Variants in NRG3 observed in about 807,000 individuals in gnomAD.
NRG3 encodes neuregulin 3, also known as pro-neuregulin-3, membrane-bound isoform.
A neutral mutation model predicts 66.9 loss-of-function variants in NRG3; 31 were observed. The ratio of observed to expected loss-of-function variants is 0.46; its 90% CI spans 0.35 to 0.63. The LOEUF is 0.63. Ranked by LOEUF, NRG3 falls within the 20% of genes least tolerant of loss-of-function variation. The pLI is 0.00. For missense variants in NRG3, 910 were observed against 878.9 expected, an observed-to-expected ratio of 1.04 and a Z score of -0.45; for synonymous variants, 393 against 359.4, an observed-to-expected ratio of 1.09 and a Z score of -1.06.
chr10:82,524,480 A>G (rs1283896834), intron 2 of NRG3, among the ~76,000 whole-genome samples: 1 of 151,954 alleles, frequency 6.6e-6, no homozygotes. Context: ...GTAAACTGGA[A>G]TCATTCAGTA....
chr10:82,814,604 AC>A (rs1301162504), intron 3 of NRG3, among the ~76,000 whole-genome samples: 2 of 152,186 alleles, frequency 1.3e-5, no homozygotes, highest in Non-Finnish European at 2.9e-5. Context: ...GCTACTTCTG[AC>A]CCATGAGAAA....
chr10:82,803,141 T>G (rs1210084550), intron 3 of NRG3, among the ~76,000 whole-genome samples: 1 of 152,162 alleles, frequency 6.6e-6, no homozygotes, highest in Non-Finnish European at 1.5e-5. Context: ...CTGTGAGGAC[T>G]CCAGACCCCT....
At chr10:82,426,191 T>G (rs1342420556) in intron 2 of NRG3, among the ~76,000 whole-genome samples, 2 of 152,134 alleles carry the variant, frequency 1.3e-5, no homozygotes, top group Non-Finnish European at 2.9e-5. Context: ...ACCAGAGGTT[T>G]TTCTCCCATC....
At chr10:82,718,565 T>G (rs1156573078) in intron 2 of NRG3, among the ~76,000 whole-genome samples, 3 of 152,202 alleles carry the variant, frequency 2.0e-5, no homozygotes, top group Admixed American at 1.3e-4. Flanking sequence ...ACTGCAAACC[T>G]TATTTGCTTT....
chr10:82,182,344 C>T (rs2133238281), intron 1 of NRG3, among the ~76,000 whole-genome samples: 1 of 151,552 alleles, frequency 6.6e-6, no homozygotes, highest in Non-Finnish European at 1.5e-5. Flanking sequence ...TTGATATCTT[C>T]CTTTATGTTT....
intron 1 of NRG3, among the ~76,000 whole-genome samples, chr10:82,342,946 A>G (rs2082761064): frequency 6.6e-6 from 1 of 152,058 alleles, no homozygotes; most frequent in Admixed American, 6.6e-5. Context: ...ATTTTTGTAT[A>G]TGGTAAGAGA....
At chr10:82,676,054 C>T (rs886463899) in intron 2 of NRG3, among the ~76,000 whole-genome samples, 2 of 151,820 alleles carry the variant, frequency 1.3e-5, no homozygotes, top group African/African-American at 4.8e-5. Flanking sequence ...ATAATAGAAA[C>T]AAAATGTCTT....
intron 4 of NRG3, among the ~76,000 whole-genome samples, chr10:82,899,057 A>G (rs950531351): frequency 1.2e-4 from 19 of 152,066 alleles, no homozygotes; most frequent in Admixed American, 1.2e-3. Flanking sequence ...TTGGCAGGTG[A>G]CCAAATTGTT....
At chr10:82,869,187 T>A (rs1841046009) in intron 4 of NRG3, among the ~76,000 whole-genome samples, 1 of 152,230 alleles carries the variant, frequency 6.6e-6, no homozygotes, top group South Asian at 2.1e-4. Context: ...TATTTGTGTG[T>A]GTGTGTGTCA....
At chr10:82,547,438 C>T (rs1590614788) in intron 2 of NRG3, among the ~76,000 whole-genome samples, 1 of 149,420 alleles carries the variant, frequency 6.7e-6, no homozygotes. Context: ...TATATATATT[C>T]CATGTATAGT....
intron 1 of NRG3, among the ~76,000 whole-genome samples, chr10:82,129,853 G>A (rs914210288): frequency 2.6e-5 from 4 of 151,970 alleles, no homozygotes; most frequent in East Asian, 1.9e-4. Context: ...GAGAACCCAC[G>A]CCTGTCCTAG....
At chr10:82,116,162 CA>C (rs894323124) in intron 1 of NRG3, among the ~76,000 whole-genome samples, 250 of 151,882 alleles carry the variant, frequency 1.6e-3, no homozygotes, top group African/African-American at 5.0e-3. Context: ...TACATTATTC[CA>C]AAAAAAATTT....
chr10:82,517,208 A>C (rs185769471), intron 2 of NRG3, among the ~76,000 whole-genome samples: 6 of 152,024 alleles, frequency 3.9e-5, no homozygotes, highest in Admixed American at 3.9e-4. Flanking sequence ...TCTTTCTTTT[A>C]TAGATACCAT....
At chr10:82,280,496 C>A (rs1246020013) in intron 1 of NRG3, among the ~76,000 whole-genome samples, 1 of 152,168 alleles carries the variant, frequency 6.6e-6, no homozygotes, top group Non-Finnish European at 1.5e-5. Context: ...AAAGATGACT[C>A]CTTTTATAGC....
At chr10:82,785,292 C>T (rs1304413392) in intron 3 of NRG3, among the ~76,000 whole-genome samples, 1 of 151,686 alleles carries the variant, frequency 6.6e-6, no homozygotes, top group Non-Finnish European at 1.5e-5. Context: ...CAGCATGGCA[C>T]ATGTATACAT....
intron 4 of NRG3, 81 bp downstream of exon 4, chr10:82,865,518 G>T (rs1378882281): frequency 2.2e-6 from 3 of 1,379,218 alleles, no homozygotes; most frequent in East Asian, 2.4e-5. Flanking sequence ...TTCTCCATCT[G>T]GTTATAATTG....
At chr10:82,742,489 A>G (rs370077718) in intron 3 of NRG3, among the ~76,000 whole-genome samples, 1 of 152,062 alleles carries the variant, frequency 6.6e-6, no homozygotes, top group Non-Finnish European at 1.5e-5. Flanking sequence ...GTTTTTGTAA[A>G]TATATCTAAT....
chr10:82,493,984 C>G (rs946699103), intron 2 of NRG3, among the ~76,000 whole-genome samples: 2 of 152,056 alleles, frequency 1.3e-5, no homozygotes, highest in African/African-American at 4.8e-5. Flanking sequence ...AAACATATGA[C>G]AAAAAGTTCA....
intron 4 of NRG3, among the ~76,000 whole-genome samples, chr10:82,941,179 G>T (rs1467880200): frequency 6.6e-6 from 1 of 152,070 alleles, no homozygotes; most frequent in African/African-American, 2.4e-5. Context: ...CAGGGAGCTG[G>T]TTCTGTCTTC....
Sources: allele counts gnomAD v4.1 joint callset (sites outside exome capture counted in the v4.1 genomes callset), GRCh38; gene constraint gnomAD v4.1.1; transcripts MANE v1.5; gene names NCBI Gene and HGNC (gene_info 2026-07-23, HGNC 2026-07-21).